The following B3GAT1 variants were observed in gnomAD, a reference collection of about 807,000 sequenced individuals.
The protein encoded by B3GAT1 is galactosylgalactosylxylosylprotein 3-beta-glucuronosyltransferase 1.
In B3GAT1, 11 loss-of-function variants were observed where a neutral mutation model predicts 28.4. That is an observed-to-expected ratio of 0.39 (90% CI 0.24 to 0.64). B3GAT1 has a LOEUF of 0.64. Ranked by LOEUF, B3GAT1 falls within the 30% of genes least tolerant of loss-of-function variation. B3GAT1 has a pLI of 0.50. For missense variants in B3GAT1, 375 were observed against 491.0 expected (o/e 0.76, Z 2.23); for synonymous variants, 255 against 223.1 (o/e 1.14, Z -1.27).
At chr11:134,381,842 G>T in intron 5 of B3GAT1, 82 bp downstream of exon 5, 1 of 1,163,354 alleles carries the variant, frequency 8.6e-7, no homozygotes, top group Non-Finnish European at 1.3e-6. Flanking sequence ...GAAAGCCCAA[G>T]AGGAAAAGAA....
intron 2 of B3GAT1, chr11:134,385,993 TTA>T (rs1287989061): frequency 6.6e-6 from 1 of 152,156 alleles, no homozygotes; most frequent in East Asian, 1.9e-4. Flanking sequence ...TCATGTCGCT[TTA>T]TATATAGTAG....
chr11:134,410,350 G>T (rs1004277495), intron 1 of B3GAT1, among the ~76,000 whole-genome samples: 2 of 152,156 alleles, frequency 1.3e-5, no homozygotes, highest in African/African-American at 4.8e-5. Context: ...CAGGAACAGC[G>T]AGCTCCTGGC....
At position 134,384,148 on chromosome 11, in the gene B3GAT1, G is replaced by C; in HGVS notation, c.153C>G (p.Ala51=). ...SDPRRETPPG[A]DPREYCTSDR... ...CAGACGTGCAGTACTCCCTGGGGTC[G>C]GCGCCGGGCGGCGTTTCGCGTCGGG... Residue 51 remains alanine, a synonymous_variant, in exon 3 of 6, where the codon GCC becomes GCG. Transcript: ENST00000312527. 1.3e-6 allele frequency: 2 copies of C among 1,560,442 alleles called. No homozygotes were observed. Among genetic ancestry groups the C allele is most frequent in the Non-Finnish European group, 8.7e-7 (1 of 1,152,996 alleles).
At chr11:134,387,185 T>C (rs1484889392) in intron 2 of B3GAT1, 5 of 238,646 alleles carry the variant, frequency 2.1e-5, no homozygotes, top group African/African-American at 8.9e-5. Flanking sequence ...AAAACCACAC[T>C]AAAGACTCCC....
At chr11:134,396,382 C>T (rs1170328480) in intron 1 of B3GAT1, among the ~76,000 whole-genome samples, 4 of 152,168 alleles carry the variant, frequency 2.6e-5, no homozygotes, top group Admixed American at 1.3e-4. Context: ...CAGTCATAGC[C>T]TTCTGCCACC....
At chr11:134,396,766 T>A (rs1944511945) in intron 1 of B3GAT1, among the ~76,000 whole-genome samples, 1 of 151,986 alleles carries the variant, frequency 6.6e-6, no homozygotes, top group African/African-American at 2.4e-5. Context: ...CCAACCAAAC[T>A]CCGGGCTGCT....
rs1209155343 is a variant in B3GAT1, at chr11:134,379,009, C to A, written c.*1753G>T. 6.6e-6 allele frequency: 1 copy of A among 152,132 alleles called. No individual in the cohort carries two copies. The highest frequency in any genetic ancestry group is 1.9e-4 in the East Asian group (1 of 5,188). 9.4% of individuals were successfully genotyped at this position (152,132 alleles called of 1,614,324 possible). ...CCACACATAAGCTCACCACCTGTGC[C>A]CACCTCCTCCCTTCTCTCCCATGCC... is the stretch of plus-strand genomic sequence containing the variant. On this transcript the variant is annotated 3_prime_UTR_variant, in exon 6 of 6. Coordinates refer to ENST00000312527, the MANE Select transcript of B3GAT1 (RefSeq NM_054025.3).
rs866692838 is a variant in B3GAT1 at position 134,384,165 on chromosome 11, C to T, written c.136G>A (p.Glu46Lys). Residue 46 changes from glutamate (E) to lysine (K), a missense_variant, in exon 3 of 6, where the codon GAA (glutamate) becomes AAA (lysine). Physicochemically the swap from Glu to Lys is moderately conservative, Grantham distance 56. Coordinates refer to ENST00000312527, the MANE Select transcript of B3GAT1 (RefSeq NM_054025.3). ...HKDEGSDPRR[E>K]TPPGADPREY... The stretch of plus-strand genomic sequence containing the variant: ...CTGGGGTCGGCGCCGGGCGGCGTTT[C>T]GCGTCGGGGGTCACTGCCCTCATCT... 6 of 1,549,388 alleles carry T rather than the reference C, an allele frequency of 3.9e-6. No individual in the cohort carries two copies. Among genetic ancestry groups the T allele is most frequent in the South Asian group, 2.4e-5 (2 of 83,270 alleles).
chr11:134,384,273 G>A (rs1944221986), intron 2 of B3GAT1, 85 bp from the exon 3 acceptor site: 1 of 1,438,564 alleles, frequency 7.0e-7, no homozygotes, highest in East Asian at 2.5e-5. Context: ...CACCCTGCCA[G>A]GGCACCCTCC....
chr11:134,383,043 T>G, intron 3 of B3GAT1, 37 bp from the exon 4 acceptor site: 2 of 1,505,924 alleles, frequency 1.3e-6, no homozygotes, highest in Non-Finnish European at 1.8e-6. Flanking sequence ...GCGCCGGCAC[T>G]GCAGATGAGG....
At chr11:134,391,488 G>A (rs1308403219) in intron 1 of B3GAT1, 1 of 152,422 alleles carries the variant, frequency 6.6e-6, no homozygotes, top group Non-Finnish European at 1.5e-5. Flanking sequence ...GGAGGGCGGT[G>A]TTTGTCTGTG....
intron 1 of B3GAT1, among the ~76,000 whole-genome samples, chr11:134,404,033 ATT>A (rs1944681309): frequency 9.9e-5 from 11 of 110,834 alleles, no homozygotes; most frequent in African/African-American, 3.9e-4. Flanking sequence ...ATATATATTT[ATT>A]ATACGTTAAG....
At position 134,382,733 on chromosome 11, in the gene B3GAT1, G is replaced by C; in HGVS notation, c.895C>G (p.Pro299Ala). The C allele has an allele frequency of 6.2e-7, 1 of 1,613,834 alleles. No individual in the cohort carries two copies. ...ACCTTGGTGCAGTTGGCTGCCTTGG[G>C]CTCCAGGTCGTTGAGGGTGACAAGT... ...RELVTLNDLE[P>A]KAANCTKILV... Residue 299 changes from proline (P) to alanine (A), a missense_variant, in exon 4 of 6, where the codon CCC (proline) becomes GCC (alanine). Transcript: ENST00000312527.
Position 134,378,848 on chromosome 11 carries a change from G to T in B3GAT1, c.*1914C>A, listed in dbSNP as rs575912159. On this transcript the variant is annotated 3_prime_UTR_variant, in exon 6 of 6. Coordinates refer to ENST00000312527, the MANE Select transcript of B3GAT1 (RefSeq NM_054025.3). ...GGTGAAAACAACTGACCTAGCATCTGCCCAAAGAAGTCCCCATTTTGTTGT... is the reference window on the plus strand; with the variant it reads ...GGTGAAAACAACTGACCTAGCATCTTCCCAAAGAAGTCCCCATTTTGTTGT... 6.6e-6 allele frequency: 1 copy of T among 152,354 alleles called. No homozygotes were observed. The highest frequency in any genetic ancestry group is 2.1e-4 in the South Asian group (1 of 4,826). 9.4% of individuals were successfully genotyped at this position (152,354 alleles called of 1,614,324 possible). A position where few individuals can be genotyped will look rare whatever the true frequency, so the allele number is the denominator to read the frequency against.
At chr11:134,381,758 G>C (rs1354145796) in intron 5 of B3GAT1, 166 bp downstream of exon 5, 2 of 603,050 alleles carry the variant, frequency 3.3e-6, no homozygotes, top group South Asian at 2.0e-5. Flanking sequence ...GATACTTTCA[G>C]GTGGCCCAGT....
At chr11:134,401,365 G>A (rs757664871) in intron 1 of B3GAT1, among the ~76,000 whole-genome samples, 4 of 152,214 alleles carry the variant, frequency 2.6e-5, no homozygotes, top group African/African-American at 4.8e-5. Context: ...TGACGAAGAC[G>A]TGGTACACAT....
At chr11:134,401,876 C>A (rs915465873) in intron 1 of B3GAT1, among the ~76,000 whole-genome samples, 3 of 151,468 alleles carry the variant, frequency 2.0e-5, no homozygotes, top group Admixed American at 2.0e-4. Flanking sequence ...CCAGCACATT[C>A]TTCTCTCCCC....
At chr11:134,402,231 CG>C (rs1944630129) in intron 1 of B3GAT1, among the ~76,000 whole-genome samples, 1 of 152,154 alleles carries the variant, frequency 6.6e-6, no homozygotes, top group East Asian at 1.9e-4. Flanking sequence ...AGTCAAGTCG[CG>C]GGTATGCCCC....
chr11:134,407,053 T>C (rs957688919), intron 1 of B3GAT1, among the ~76,000 whole-genome samples: 3 of 152,252 alleles, frequency 2.0e-5, no homozygotes, highest in Admixed American at 6.5e-5. Context: ...GTTCTGTATC[T>C]GTACCGCCCA....
Sources: allele counts gnomAD v4.1 joint callset (sites outside exome capture counted in the v4.1 genomes callset), GRCh38; gene constraint gnomAD v4.1.1; transcripts MANE v1.5; gene names NCBI Gene and HGNC (gene_info 2026-07-23, HGNC 2026-07-21).